Variants in FUT8 observed in about 807,000 individuals in gnomAD.
FUT8 encodes the protein fucosyltransferase 8, also known as alpha-(1,6)-fucosyltransferase.
Under a neutral mutation model 71.3 loss-of-function variants are expected in FUT8, and 29 were observed. The observed-to-expected ratio is 0.41, with a 90% CI of 0.30 to 0.55. The LOEUF (loss-of-function observed/expected upper bound fraction) is 0.55. Ranked by LOEUF, FUT8 falls within the 20% of genes least tolerant of loss-of-function variation. The pLI is 0.34. For missense variants in FUT8, 544 were observed against 702.1 expected (o/e 0.77, Z 2.55); for synonymous variants, 254 against 239.3 (o/e 1.06, Z -0.57).
chr14:65,598,501 G>T lies in FUT8; in HGVS notation c.204-17477G>T, dbSNP rs572562151. ...CTCCCAAAGTGCTAGGATTGCAGGC[G>T]TGAGCCACTGCGCCTGGCCACAGTT... is the stretch of plus-strand genomic sequence containing the variant. On this transcript the variant is annotated intron_variant, in intron 3 of 10. Transcript: ENST00000673929. 3.3e-5 allele frequency among the ~76,000 whole-genome samples: 5 copies of T among 152,274 alleles called. No homozygotes were observed. In the East Asian group the frequency reaches 5.8e-4, roughly 18 times the overall value.
chr14:65,455,890 T>C (rs555899375), intron 2 of FUT8, among the ~76,000 whole-genome samples, 172 bp downstream of exon 2: 1 of 152,352 alleles, frequency 6.6e-6, no homozygotes, highest in East Asian at 1.9e-4. Context: ...TCTTACTGCC[T>C]ACTATATACA....
chr14:65,611,621 T>TGTA (rs1289072900), intron 3 of FUT8, among the ~76,000 whole-genome samples: 2 of 152,122 alleles, frequency 1.3e-5, no homozygotes, highest in Non-Finnish European at 2.9e-5. Context: ...AGTTTTCATC[T>TGTA]GTAGTAGTTC....
intron 7 of FUT8, among the ~76,000 whole-genome samples, chr14:65,694,340 C>T (rs1217313564): frequency 6.6e-6 from 1 of 152,074 alleles, no homozygotes; most frequent in Non-Finnish European, 1.5e-5. Flanking sequence ...TGCAGCGTTC[C>T]ACAAATTTTA....
chr14:65,516,468 G>A (rs929329849), intron 2 of FUT8: 3 of 152,032 alleles, frequency 2.0e-5, no homozygotes, highest in Non-Finnish European at 2.9e-5. Flanking sequence ...ATAGGCAGAC[G>A]GTTTGCAGAG....
intron 6 of FUT8, among the ~76,000 whole-genome samples, chr14:65,646,358 G>GCTGA (rs1361015934): frequency 4.6e-5 from 7 of 152,210 alleles, no homozygotes; most frequent in African/African-American, 1.4e-4. Flanking sequence ...GGTAATAGAT[G>GCTGA]CTGACCCTTT....
At chr14:65,609,247 A>G (rs1888748908) in intron 3 of FUT8, among the ~76,000 whole-genome samples, 1 of 151,234 alleles carries the variant, frequency 6.6e-6, no homozygotes, top group Non-Finnish European at 1.5e-5. Flanking sequence ...GTGAGCCAGG[A>G]TCGCGCCACT....
At chr14:65,665,918 T>G (rs1892189431) in intron 6 of FUT8, among the ~76,000 whole-genome samples, 1 of 151,944 alleles carries the variant, frequency 6.6e-6, no homozygotes, top group African/African-American at 2.4e-5. Flanking sequence ...CCACAGACAC[T>G]GGGGCCTATC....
chr14:65,499,505 G>T (rs1016097886), intron 2 of FUT8, among the ~76,000 whole-genome samples: 9 of 151,932 alleles, frequency 5.9e-5, no homozygotes, highest in Admixed American at 1.3e-4. Context: ...GTGTGTTGAT[G>T]ATTAAATCAA....
intron 2 of FUT8, among the ~76,000 whole-genome samples, chr14:65,514,386 G>T (rs1477264976): frequency 6.6e-6 from 1 of 152,230 alleles, no homozygotes; most frequent in Non-Finnish European, 1.5e-5. Flanking sequence ...AAGATTGGTT[G>T]GGCAGTGTGT....
chr14:65,501,590 T>C (rs2066646377), intron 2 of FUT8, among the ~76,000 whole-genome samples: 4 of 152,162 alleles, frequency 2.6e-5, no homozygotes, highest in Admixed American at 1.3e-4. Context: ...TTATTGGCAG[T>C]GTGAGGAAGC....
At chr14:65,608,699 ATG>A in intron 3 of FUT8, among the ~76,000 whole-genome samples, 1 of 151,978 alleles carries the variant, frequency 6.6e-6, no homozygotes, top group Admixed American at 6.6e-5. Flanking sequence ...TAAAATAGGA[ATG>A]AGGATCATCT....
At chr14:65,365,129 CAG>C in the FUT8 span, among the ~76,000 whole-genome samples, 1 of 152,198 alleles carries the variant, frequency 6.6e-6, no homozygotes, top group Non-Finnish European at 1.5e-5. Flanking sequence ...ACAGAATAAT[CAG>C]AGTTTTACTT....
At chr14:65,690,938 C>T (rs1893548802) in intron 7 of FUT8, among the ~76,000 whole-genome samples, 3 of 151,546 alleles carry the variant, frequency 2.0e-5, no homozygotes, top group Non-Finnish European at 4.4e-5. Flanking sequence ...GTTGGCCAGG[C>T]TGGTCTCAAA....
intron 3 of FUT8, among the ~76,000 whole-genome samples, chr14:65,608,909 C>A (rs533950432): frequency 7.9e-5 from 12 of 152,006 alleles, no homozygotes; most frequent in African/African-American, 2.2e-4. Context: ...TTATTTAAAT[C>A]TTTTTGCTTA....
At chr14:65,677,149 T>C (rs142432105) in intron 7 of FUT8, among the ~76,000 whole-genome samples, 2,997 of 84,544 alleles carry the variant, frequency 0.035, 111 homozygotes, top group African/African-American at 0.099. Context: ...TGTGTGTGTG[T>C]GTGCGCGCGC....
chr14:65,533,737 A>G (rs2139924343), intron 2 of FUT8, among the ~76,000 whole-genome samples: 1 of 152,138 alleles, frequency 6.6e-6, no homozygotes, highest in East Asian at 1.9e-4. Flanking sequence ...GCTTTTGCCC[A>G]TTCAGTGTGA....
intron 3 of FUT8, among the ~76,000 whole-genome samples, chr14:65,590,737 GT>G (rs1887641408): frequency 6.6e-6 from 1 of 152,144 alleles, no homozygotes; most frequent in South Asian, 2.1e-4. Flanking sequence ...ATAAACGATT[GT>G]TTTTCTAGTC....
At chr14:65,703,166 A>G (rs1333734118) in intron 7 of FUT8, among the ~76,000 whole-genome samples, 1 of 152,240 alleles carries the variant, frequency 6.6e-6, no homozygotes, top group Non-Finnish European at 1.5e-5. Context: ...AGCTCAAATG[A>G]GAAATTGTAT....
chr14:65,602,180 T>G (rs542797600), intron 3 of FUT8, among the ~76,000 whole-genome samples: 3 of 151,014 alleles, frequency 2.0e-5, no homozygotes, highest in South Asian at 4.2e-4. Context: ...TCCTATGCCT[T>G]TGTATCCTCA....
Sources: allele counts gnomAD v4.1 joint callset (sites outside exome capture counted in the v4.1 genomes callset), GRCh38; gene constraint gnomAD v4.1.1; transcripts MANE v1.5; gene names NCBI Gene and HGNC (gene_info 2026-07-23, HGNC 2026-07-21).